MACROD2: variants seen among roughly 807,000 people sequenced by gnomAD.
MACROD2 encodes the protein ADP-ribose glycohydrolase MACROD2.
In MACROD2, 36 loss-of-function variants were observed where a neutral mutation model predicts 70.4. The ratio of observed to expected loss-of-function variants is 0.51; its 90% CI spans 0.39 to 0.68. The LOEUF (loss-of-function observed/expected upper bound fraction) is 0.68. Ranked by LOEUF, MACROD2 falls within the 30% of genes least tolerant of loss-of-function variation. The pLI is 0.00. For synonymous variants in MACROD2, 172 were observed against 178.8 expected (o/e 0.96, Z 0.30); for missense variants, 496 against 538.4 (o/e 0.92, Z 0.78).
chr20:15,039,715 G>A (rs2075340571), intron 5 of MACROD2, among the ~76,000 whole-genome samples: 1 of 152,140 alleles, frequency 6.6e-6, no homozygotes, highest in African/African-American at 2.4e-5. Context: ...CATTAAATGA[G>A]AAATCAACTG....
intron 5 of MACROD2, among the ~76,000 whole-genome samples, chr20:15,118,883 C>A (rs1266630122): frequency 6.6e-6 from 1 of 152,160 alleles, no homozygotes; most frequent in Admixed American, 6.5e-5. Context: ...ACTTATCAAA[C>A]AGGATAACTT....
At position 14,713,758 on chromosome 20, in the gene MACROD2, T is replaced by TA. The variant is rs962578181; in HGVS notation, c.418+28806dup. Reference sequence around the variant, plus strand: ...GATAAAACATACACCTGTGAAAAGCTAAAAAAATTACTATTATCAATTGAC... The same window carrying TA: ...GATAAAACATACACCTGTGAAAAGCTAAAAAAAATTACTATTATCAATTGAC... On this transcript the variant is annotated intron_variant, in intron 5 of 17. Transcript: ENST00000684519. Among the ~76,000 whole-genome samples, 7 of 152,108 alleles carry TA rather than the reference T, an allele frequency of 4.6e-5. No individual in the cohort carries two copies. The South Asian group carries it at 1.0e-3, about 23-fold the overall frequency.
intron 3 of MACROD2, among the ~76,000 whole-genome samples, chr20:14,105,164 A>G (rs904894918): frequency 6.6e-6 from 1 of 152,192 alleles, no homozygotes; most frequent in Non-Finnish European, 1.5e-5. Context: ...ACAACTACAC[A>G]AAAAAGCACC....
chr20:15,158,770 C>G (rs1601156468), intron 5 of MACROD2, among the ~76,000 whole-genome samples: 1 of 152,044 alleles, frequency 6.6e-6, no homozygotes, highest in Non-Finnish European at 1.5e-5. Context: ...ATTCAGAAAT[C>G]CTATGAAAAG....
At chr20:15,842,701 G>C (rs2064184937) in intron 8 of MACROD2, among the ~76,000 whole-genome samples, 1 of 138,800 alleles carries the variant, frequency 7.2e-6, no homozygotes, top group Non-Finnish European at 1.5e-5. Flanking sequence ...TTGGATGGGG[G>C]GTGGGTGGAT....
rs557470545 is a variant in MACROD2 at position 15,409,164 on chromosome 20, A to G, written c.541-22241A>G. ...ACACTGTGAGGCTTTGTGCAATAATATAACCACTACTTGAGACCAAATGAT... is the reference window on the plus strand; with the variant it reads ...ACACTGTGAGGCTTTGTGCAATAATGTAACCACTACTTGAGACCAAATGAT... On this transcript the variant is annotated intron_variant, in intron 6 of 17. Transcript: ENST00000684519. 2.6e-5 allele frequency among the ~76,000 whole-genome samples: 4 copies of G among 152,328 alleles called. No individual in the cohort carries two copies. In the East Asian group the frequency reaches 7.7e-4, roughly 29 times the overall value.
At chr20:15,466,530 C>T (rs1448840925) in intron 7 of MACROD2, among the ~76,000 whole-genome samples, 2 of 152,176 alleles carry the variant, frequency 1.3e-5, no homozygotes, top group Admixed American at 1.3e-4. Context: ...TTAAGCTCCT[C>T]ACACTGTGAT....
intron 5 of MACROD2, among the ~76,000 whole-genome samples, chr20:14,896,711 T>G (rs1446186879): frequency 1.3e-5 from 2 of 152,092 alleles, no homozygotes; most frequent in East Asian, 3.8e-4. Context: ...ACCAGTTATA[T>G]GGCATTTGGT....
At chr20:14,760,868 A>AT (rs2072006801) in intron 5 of MACROD2, among the ~76,000 whole-genome samples, 1 of 152,120 alleles carries the variant, frequency 6.6e-6, no homozygotes, top group Non-Finnish European at 1.5e-5. Context: ...TCGAGCCCTG[A>AT]TTCGTCAACG....
intron 6 of MACROD2, among the ~76,000 whole-genome samples, chr20:15,404,615 C>T (rs2045972540): frequency 6.6e-6 from 1 of 152,176 alleles, no homozygotes; most frequent in African/African-American, 2.4e-5. Context: ...AAAATTCTGT[C>T]TCTTTGAGGT....
chr20:15,302,377 C>CAT (rs200849399), intron 6 of MACROD2, among the ~76,000 whole-genome samples: 27 of 32,808 alleles, frequency 8.2e-4, no homozygotes, highest in African/African-American at 3.4e-3. Flanking sequence ...CACACACACA[C>CAT]ACACATACAC....
At chr20:15,686,093 T>G (rs559276598) in intron 8 of MACROD2, among the ~76,000 whole-genome samples, 1 of 152,212 alleles carries the variant, frequency 6.6e-6, no homozygotes, top group Non-Finnish European at 1.5e-5. Context: ...GTGGAAATGA[T>G]GAGTTGGCCC....
At chr20:15,663,058 A>G (rs1600727042) in intron 8 of MACROD2, among the ~76,000 whole-genome samples, 1 of 152,138 alleles carries the variant, frequency 6.6e-6, no homozygotes, top group Non-Finnish European at 1.5e-5. Context: ...AAGGTAAAGG[A>G]ATAGAAGTCA....
At chr20:15,003,686 A>G (rs2075013293) in intron 5 of MACROD2, among the ~76,000 whole-genome samples, 1 of 152,186 alleles carries the variant, frequency 6.6e-6, no homozygotes, top group African/African-American at 2.4e-5. Flanking sequence ...TTTAAATGAT[A>G]ATAGGCCTTG....
At chr20:15,204,349 G>A (rs190450844) in intron 5 of MACROD2, among the ~76,000 whole-genome samples, 253 of 152,186 alleles carry the variant, frequency 1.7e-3, no homozygotes, top group South Asian at 0.016. Context: ...AATGGGCAGC[G>A]TGAAAAGGGT....
chr20:14,014,132 C>T lies in MACROD2; in HGVS notation c.163+11728C>T, dbSNP rs557854542. ...AATTATGTTAGTAAATAAGGATTTTCCTTAAATACATTTTGGTCAGCGTGA... is the reference window on the plus strand; with the variant it reads ...AATTATGTTAGTAAATAAGGATTTTTCTTAAATACATTTTGGTCAGCGTGA... On this transcript the variant is annotated intron_variant, in intron 2 of 17. Transcript: ENST00000684519. Among the ~76,000 whole-genome samples the T allele has an allele frequency of 1.2e-4, 18 of 152,082 alleles. No homozygotes were observed. In the South Asian group the frequency reaches 3.1e-3, roughly 26 times the overall value.
intron 3 of MACROD2, among the ~76,000 whole-genome samples, chr20:14,465,611 G>A (rs1941986714): frequency 6.6e-6 from 1 of 152,028 alleles, no homozygotes; most frequent in African/African-American, 2.4e-5. Flanking sequence ...GTTAGTTGAT[G>A]CAGTTTCTTC....
chr20:16,048,955 G>T (rs562701316), intron 17 of MACROD2, among the ~76,000 whole-genome samples: 1 of 152,106 alleles, frequency 6.6e-6, no homozygotes, highest in Non-Finnish European at 1.5e-5. Flanking sequence ...ATACATACAT[G>T]GGAATTCTAG....
intron 5 of MACROD2, among the ~76,000 whole-genome samples, chr20:15,197,663 C>A (rs76391593): frequency 0.011 from 1,634 of 152,114 alleles, 24 homozygotes; most frequent in African/African-American, 0.037. Flanking sequence ...TTTACTTTTT[C>A]TGTGATTATT....
Sources: gnomAD v4.1 joint callset for allele counts (sites outside exome capture counted in the v4.1 genomes callset) on GRCh38, gnomAD v4.1.1 for gene constraint, MANE v1.5 for transcripts, NCBI Gene and HGNC (gene_info 2026-07-23, HGNC 2026-07-21) for gene names.